EPHA7: variants seen among roughly 807,000 people sequenced by gnomAD.
The protein encoded by EPHA7 is ephrin type-A receptor 7.
In EPHA7, 25 loss-of-function variants were observed where a neutral mutation model predicts 112.6. The ratio of observed to expected loss-of-function variants is 0.22; its 90% CI spans 0.16 to 0.31. The LOEUF (loss-of-function observed/expected upper bound fraction) is 0.31. Among genes scored for constraint, EPHA7 ranks in the 10% least tolerant of loss-of-function variants. EPHA7 has a pLI of 1.00. For synonymous variants in EPHA7, 437 were observed against 406.5 expected, an observed-to-expected ratio of 1.07 and a Z score of -0.90; for missense variants, 962 against 1,212.6, an observed-to-expected ratio of 0.79 and a Z score of 3.07.
chr6:93,283,413 G>A (rs533507741), intron 5 of EPHA7, among the ~76,000 whole-genome samples: 8 of 152,004 alleles, frequency 5.3e-5, no homozygotes, highest in Non-Finnish European at 1.0e-4. Context: ...ATCCTCTCAG[G>A]TCCCCTTCCA....
chr6:93,387,932 T>C (rs62414249), intron 3 of EPHA7, among the ~76,000 whole-genome samples: 13,532 of 56,776 alleles, frequency 0.24, 772 homozygotes, highest in Middle Eastern at 0.33. Context: ...GACAGATAGA[T>C]AGATAGATAG....
chr6:93,335,781 T>A (rs1179398617), intron 5 of EPHA7, among the ~76,000 whole-genome samples: 1 of 152,060 alleles, frequency 6.6e-6, no homozygotes, highest in Non-Finnish European at 1.5e-5. Flanking sequence ...AATTACATTA[T>A]TTTTCTTTGT....
At chr6:93,327,988 C>CA (rs1474863166) in intron 5 of EPHA7, among the ~76,000 whole-genome samples, 1 of 151,442 alleles carries the variant, frequency 6.6e-6, no homozygotes, top group East Asian at 1.9e-4. Context: ...ACTCTGTTAA[C>CA]ACCCAACTTC....
chr6:93,380,415 C>T (rs1461014088), intron 3 of EPHA7, among the ~76,000 whole-genome samples: 1 of 151,952 alleles, frequency 6.6e-6, no homozygotes, highest in Non-Finnish European at 1.5e-5. Flanking sequence ...TTATAAAGAA[C>T]AAGAGGTATA....
chr6:93,414,176 A>G (rs1582698134), intron 2 of EPHA7, among the ~76,000 whole-genome samples: 1 of 152,078 alleles, frequency 6.6e-6, no homozygotes, highest in South Asian at 2.1e-4. Flanking sequence ...CGGATAGCAC[A>G]TAATATAAAT....
At chr6:93,413,479 C>A (rs1030453437) in intron 2 of EPHA7, among the ~76,000 whole-genome samples, 1 of 151,872 alleles carries the variant, frequency 6.6e-6, no homozygotes, top group African/African-American at 2.4e-5. Context: ...AAATGGGCTA[C>A]ATCTGTCATT....
chr6:93,246,325 C>T (rs1218730128), intron 15 of EPHA7, among the ~76,000 whole-genome samples: 2 of 152,128 alleles, frequency 1.3e-5, no homozygotes, highest in Non-Finnish European at 2.9e-5. Context: ...GCTGGGATTA[C>T]AAGCGTGAGC....
chr6:93,245,356 C>G lies in EPHA7; in HGVS notation c.2824G>C (p.Asp942His). 6.2e-7 allele frequency: 1 copy of G among 1,613,662 alleles called. No individual in the cohort carries two copies. The stretch of plus-strand genomic sequence containing the variant: ...TTGTAGCCAGCTGCCGTGAAATTAT[C>G]TTTATATCTTTCCATCTTAATAGCT... ...LQAIKMERYK[D>H]NFTAAGYNSL... Residue 942 changes from aspartate to histidine, a missense_variant, in exon 16 of 17, where the codon GAT becomes CAT. Physicochemically the swap from Asp to His is moderately conservative, Grantham distance 81. Coordinates refer to ENST00000369303, the MANE Select transcript of EPHA7 (RefSeq NM_004440.4).
chr6:93,329,591 C>G (rs1582531412), intron 5 of EPHA7, among the ~76,000 whole-genome samples: 1 of 151,042 alleles, frequency 6.6e-6, no homozygotes, highest in East Asian at 1.9e-4. Context: ...TCTTTGTATA[C>G]TTTTTTTAAA....
At chr6:93,319,089 T>A (rs199824190) in intron 5 of EPHA7, among the ~76,000 whole-genome samples, 1 of 152,022 alleles carries the variant, frequency 6.6e-6, no homozygotes, top group Non-Finnish European at 1.5e-5. Flanking sequence ...TAGGAAGTAA[T>A]ATCAAGGAAA....
At chr6:93,325,257 T>C (rs1354646426) in intron 5 of EPHA7, among the ~76,000 whole-genome samples, 2 of 151,438 alleles carry the variant, frequency 1.3e-5, no homozygotes, top group African/African-American at 2.4e-5. Flanking sequence ...AAGTGTTTTC[T>C]ATATTATAGA....
chr6:93,317,871 T>C (rs556206304), intron 5 of EPHA7, among the ~76,000 whole-genome samples: 4 of 152,154 alleles, frequency 2.6e-5, no homozygotes, highest in African/African-American at 9.7e-5. Flanking sequence ...AAGCAGCTTA[T>C]CTAATGAGGT....
intron 14 of EPHA7, among the ~76,000 whole-genome samples, chr6:93,247,292 G>C (rs1769996976): frequency 6.6e-6 from 1 of 152,064 alleles, no homozygotes; most frequent in African/African-American, 2.4e-5. Flanking sequence ...ACATGTTATG[G>C]AACTATCTTA....
intron 5 of EPHA7, among the ~76,000 whole-genome samples, chr6:93,299,620 A>T (rs1055606911): frequency 2.6e-4 from 39 of 152,108 alleles, no homozygotes; most frequent in African/African-American, 9.2e-4. Flanking sequence ...CGACACAACA[A>T]TCTCATTACT....
intron 5 of EPHA7, among the ~76,000 whole-genome samples, chr6:93,335,077 T>C (rs187909864): frequency 1.3e-5 from 2 of 152,122 alleles, no homozygotes; most frequent in East Asian, 3.9e-4. Flanking sequence ...CTTCGGCAAT[T>C]TGTTTAACTT....
chr6:93,332,631 A>T (rs1403569091), intron 5 of EPHA7, among the ~76,000 whole-genome samples: 1 of 151,758 alleles, frequency 6.6e-6, no homozygotes, highest in South Asian at 2.1e-4. Flanking sequence ...TTGGATTAAT[A>T]CATCTCAAAT....
At position 93,311,303 on chromosome 6, in the gene EPHA7, A is replaced by G. The variant is rs116645554; in HGVS notation, c.1325-38881T>C. Among the ~76,000 whole-genome samples the G allele has an allele frequency of 7.0e-3, 1,070 of 151,914 alleles. 15 individuals carry two copies. The highest frequency in any genetic ancestry group is 0.024 in the African/African-American group (1,011 of 41,386). Reference sequence around the variant, plus strand: ...TACCCACAGCAGAAGTTCTTTCAAAATTAAAGTCAACCTTCTCAAACCTTG... The same window carrying G: ...TACCCACAGCAGAAGTTCTTTCAAAGTTAAAGTCAACCTTCTCAAACCTTG... On this transcript the variant is annotated intron_variant, in intron 5 of 16. Coordinates refer to ENST00000369303, the MANE Select transcript of EPHA7 (RefSeq NM_004440.4).
chr6:93,380,202 CTAA>C (rs1427549760), intron 3 of EPHA7, among the ~76,000 whole-genome samples: 1 of 152,052 alleles, frequency 6.6e-6, no homozygotes, highest in Non-Finnish European at 1.5e-5. Context: ...CACATCAAAT[CTAA>C]TAATATCTCT....
At chr6:93,324,239 C>T (rs1774210881) in intron 5 of EPHA7, among the ~76,000 whole-genome samples, 1 of 151,332 alleles carries the variant, frequency 6.6e-6, no homozygotes. Flanking sequence ...TATTAACTAA[C>T]ATAAAATATG....
Sources: gnomAD v4.1 joint callset for allele counts (sites outside exome capture counted in the v4.1 genomes callset) on GRCh38, gnomAD v4.1.1 for gene constraint, MANE v1.5 for transcripts, NCBI Gene and HGNC (gene_info 2026-07-23, HGNC 2026-07-21) for gene names.